Variants in ATP6V0D1 observed in about 807,000 individuals in gnomAD.
ATP6V0D1 encodes the protein V-type proton ATPase subunit d 1.
In ATP6V0D1, 13 loss-of-function variants were observed where a neutral mutation model predicts 39.0. The ratio of observed to expected loss-of-function variants is 0.33; its 90% CI spans 0.22 to 0.53. The LOEUF (loss-of-function observed/expected upper bound fraction) is 0.53, where lower values mean the gene tolerates loss of function less well. ATP6V0D1 is among the 20% of genes least tolerant of loss of function. The probability of loss-of-function intolerance (pLI) is 0.94; values close to 1 mark genes in which losing one functional copy is unlikely to be tolerated. For synonymous variants in ATP6V0D1, 191 were observed against 191.2 expected, an observed-to-expected ratio of 1.00 and a Z score of 0.01; for missense variants, 272 against 470.9, an observed-to-expected ratio of 0.58 and a Z score of 3.91.
At chr16:67,446,710 C>T (rs545733978) in intron 2 of ATP6V0D1, among the ~76,000 whole-genome samples, 3 of 152,298 alleles carry the variant, frequency 2.0e-5, no homozygotes, top group East Asian at 1.9e-4. Context: ...ACTCTAACTG[C>T]ACCCCATCCA....
At chr16:67,450,192 T>A (rs1031712477) in intron 2 of ATP6V0D1, among the ~76,000 whole-genome samples, 3 of 152,174 alleles carry the variant, frequency 2.0e-5, no homozygotes, top group African/African-American at 7.2e-5. Flanking sequence ...AGCTTCCTCA[T>A]TCCCAGAGTG....
chr16:67,474,761 G>A (rs2041401447), intron 1 of ATP6V0D1, among the ~76,000 whole-genome samples: 1 of 152,162 alleles, frequency 6.6e-6, no homozygotes, highest in Non-Finnish European at 1.5e-5. Flanking sequence ...TCACACCTGA[G>A]CACCAAAAAT....
chr16:67,452,219 T>C (rs1045198312), intron 2 of ATP6V0D1: 53 of 1,533,900 alleles, frequency 3.5e-5, no homozygotes, highest in Non-Finnish European at 4.5e-5. Context: ...CCTGCCCCAG[T>C]AGGTCCATGT....
At chr16:67,467,207 T>C (rs2041337654) in intron 1 of ATP6V0D1, among the ~76,000 whole-genome samples, 1 of 152,190 alleles carries the variant, frequency 6.6e-6, no homozygotes, top group Non-Finnish European at 1.5e-5. Context: ...ACTCAGCCAG[T>C]GCCAGTAGAG....
At position 67,438,426 on chromosome 16, in the gene ATP6V0D1, G is replaced by T; in HGVS notation, c.*102C>A. 2 of 1,415,010 alleles carry T rather than the reference G, an allele frequency of 1.4e-6. No homozygotes were observed. Among genetic ancestry groups the T allele is most frequent in the Non-Finnish European group, 1.9e-6 (2 of 1,039,208 alleles). The allele number at this position is 1,415,010 out of a possible 1,614,324, so 87.7% of individuals were successfully genotyped here. On this transcript the variant is annotated 3_prime_UTR_variant, in exon 8 of 8. Coordinates refer to ENST00000290949, the MANE Select transcript of ATP6V0D1 (RefSeq NM_004691.5). ...TACTACACCCCGGACAGGCAGGTGA[G>T]CCACAGGCTTGTCACAGACCACATA...
In ATP6V0D1 at chr16:67,438,560, C is replaced by T. The variant is rs751799655; in HGVS notation, c.1024G>A (p.Ala342Thr). ...ATAGGGATGTAGTTGTCGATTTTGG[C>T]GCGGTGGCGCTGGGCGATACATTCA... ...IAECIAQRHR[A>T]KIDNYIPIF The change falls in exon 8 of 8, where the codon GCC (alanine) becomes ACC (threonine). Residue 342 changes from alanine to threonine, a missense_variant. By Grantham distance (58) the Ala-to-Thr change is moderately conservative. Around this residue, in one of 4 missense-constraint regions of ATP6V0D1, gnomAD observed 35 missense variants for 84.6 expected, o/e 0.41. Coordinates refer to ENST00000290949, the MANE Select transcript of ATP6V0D1 (RefSeq NM_004691.5). 12 of 1,614,184 alleles carry T rather than the reference C, an allele frequency of 7.4e-6. No individual in the cohort carries two copies. The highest frequency in any genetic ancestry group is 1.0e-5 in the Non-Finnish European group (12 of 1,180,034).
At chr16:67,466,204 G>C (rs1354474877) in intron 1 of ATP6V0D1, among the ~76,000 whole-genome samples, 1 of 152,176 alleles carries the variant, frequency 6.6e-6, no homozygotes, top group East Asian at 1.9e-4. Flanking sequence ...AGTTGGGCCA[G>C]GCGCGGTGGC....
chr16:67,448,692 G>A (rs541018939), intron 2 of ATP6V0D1, among the ~76,000 whole-genome samples: 15 of 151,794 alleles, frequency 9.9e-5, no homozygotes, highest in African/African-American at 3.4e-4. Flanking sequence ...TATGAGTGAG[G>A]TGTGGCTCCA....
chr16:67,480,831 G>A (rs1182651502), intron 1 of ATP6V0D1, 126 bp downstream of exon 1: 7 of 1,367,700 alleles, frequency 5.1e-6, no homozygotes, highest in Non-Finnish European at 6.9e-6. Context: ...TCCGCTATCA[G>A]CCCCAGGATT....
intron 4 of ATP6V0D1, chr16:67,439,718 T>A: frequency 3.5e-6 from 1 of 288,808 alleles, no homozygotes; most frequent in African/African-American, 2.1e-5. Flanking sequence ...CTCCCCTTCC[T>A]CAGCCTCTGA....
chr16:67,462,127 C>T (rs1188100138), intron 1 of ATP6V0D1, among the ~76,000 whole-genome samples: 1 of 151,918 alleles, frequency 6.6e-6, no homozygotes, highest in Non-Finnish European at 1.5e-5. Context: ...AGTGGAGATC[C>T]GCCTGGACAG....
chr16:67,449,584 G>A (rs1369116613), intron 2 of ATP6V0D1, among the ~76,000 whole-genome samples: 1 of 152,204 alleles, frequency 6.6e-6, no homozygotes, highest in African/African-American at 2.4e-5. Context: ...TCGGCCCCAT[G>A]CCAGACAGCT....
At chr16:67,459,860 G>A (rs1407620711) in intron 1 of ATP6V0D1, among the ~76,000 whole-genome samples, 1 of 152,268 alleles carries the variant, frequency 6.6e-6, no homozygotes, top group Non-Finnish European at 1.5e-5. Context: ...TAGGCATGGA[G>A]GCAGCCCCTG....
At chr16:67,439,486 G>A (rs55877766) in intron 4 of ATP6V0D1, 135 bp from the exon 5 acceptor site, 109,310 of 784,998 alleles carry the variant, frequency 0.14, 15,776 homozygotes, top group African/African-American at 0.62. Context: ...TGGATGGGCC[G>A]GGGCAGCCCT....
chr16:67,477,857 T>C (rs1253194249), intron 1 of ATP6V0D1, among the ~76,000 whole-genome samples: 1 of 152,084 alleles, frequency 6.6e-6, no homozygotes, highest in Non-Finnish European at 1.5e-5. Context: ...GTATTTTTAG[T>C]AGAGACGGGG....
At chr16:67,449,354 GA>G (rs1213555559) in intron 2 of ATP6V0D1, among the ~76,000 whole-genome samples, 1 of 152,206 alleles carries the variant, frequency 6.6e-6, no homozygotes, top group Non-Finnish European at 1.5e-5. Flanking sequence ...TGTCTTCTAG[GA>G]CCAACTCTCT....
At chr16:67,464,477 C>T (rs16957456) in intron 1 of ATP6V0D1, among the ~76,000 whole-genome samples, 1 of 152,236 alleles carries the variant, frequency 6.6e-6, no homozygotes, top group Non-Finnish European at 1.5e-5. Flanking sequence ...CCAGCTATGA[C>T]ACTGTTCTAG....
intron 4 of ATP6V0D1, chr16:67,439,582 C>A (rs2041023280): frequency 3.4e-6 from 2 of 581,306 alleles, no homozygotes; most frequent in Non-Finnish European, 6.2e-6. Context: ...AGGGCAGGGC[C>A]CACCCGACTG....
chr16:67,463,077 C>T (rs1450713590), intron 1 of ATP6V0D1, among the ~76,000 whole-genome samples: 2 of 152,294 alleles, frequency 1.3e-5, no homozygotes, highest in African/African-American at 4.8e-5. Flanking sequence ...GAGCATCCTG[C>T]CAGTTCCACG....
Sources: gnomAD v4.1 joint callset for allele counts (sites outside exome capture counted in the v4.1 genomes callset) on GRCh38, gnomAD v4.1.1 for gene constraint, gnomAD v4.1.1 regional missense constraint, MANE v1.5 for transcripts, NCBI Gene and HGNC (gene_info 2026-07-23, HGNC 2026-07-21) for gene names.